GABRB2: variants seen among roughly 807,000 people sequenced by gnomAD.
GABRB2 encodes the protein gamma-aminobutyric acid type A receptor subunit beta2.
Under a neutral mutation model 54.7 loss-of-function variants are expected in GABRB2, and 16 were observed. The observed-to-expected ratio is 0.29, with a 90% confidence interval of 0.20 to 0.44. The LOEUF (loss-of-function observed/expected upper bound fraction) is 0.44, where lower values mean the gene tolerates loss of function less well. GABRB2 is among the 20% of genes least tolerant of loss of function. The probability of loss-of-function intolerance (pLI) is 1.00; values close to 1 mark genes in which losing one functional copy is unlikely to be tolerated. For missense variants in GABRB2, 355 were observed against 644.0 expected, an observed-to-expected ratio of 0.55 and a Z score of 4.86; for synonymous variants, 244 against 233.8, an observed-to-expected ratio of 1.04 and a Z score of -0.40.
intron 9 of GABRB2, among the ~76,000 whole-genome samples, chr5:161,315,857 C>T (rs541079731): frequency 6.6e-6 from 1 of 152,190 alleles, no homozygotes; most frequent in Admixed American, 6.5e-5. Flanking sequence ...ATTTTTAGGA[C>T]AGAAATCACA....
intron 4 of GABRB2, among the ~76,000 whole-genome samples, chr5:161,453,213 T>C (rs1757843949): frequency 1.3e-5 from 2 of 152,206 alleles, no homozygotes; most frequent in Admixed American, 1.3e-4. Context: ...TTCTTCCCCA[T>C]ATCTAGCCAT....
chr5:161,420,718 C>T (rs1756823714), intron 4 of GABRB2, among the ~76,000 whole-genome samples: 1 of 152,180 alleles, frequency 6.6e-6, no homozygotes, highest in Admixed American at 6.5e-5. Context: ...GAGTGCTGCT[C>T]TTCTTTTTGT....
chr5:161,455,146 C>A (rs1201789782), intron 4 of GABRB2, among the ~76,000 whole-genome samples: 3 of 152,174 alleles, frequency 2.0e-5, no homozygotes, highest in Non-Finnish European at 4.4e-5. Flanking sequence ...TTCTTGCTAA[C>A]CAAGCACAAA....
At chr5:161,443,138 C>T (rs1757515310) in intron 4 of GABRB2, among the ~76,000 whole-genome samples, 1 of 152,080 alleles carries the variant, frequency 6.6e-6, no homozygotes, top group Admixed American at 6.6e-5. Context: ...TCTCCCCCAC[C>T]AAATCTTTGT....
rs893312046 is a variant in GABRB2, at chr5:161,326,931, A to C, written c.1078-450T>G. The C allele has an allele frequency of 3.2e-6, 3 of 934,914 alleles. No individual in the cohort carries two copies. The African/African-American group carries it at 5.3e-5, about 17-fold the overall frequency. 57.9% of individuals were successfully genotyped at this position (934,914 alleles called of 1,614,324 possible). On this transcript the variant is annotated intron_variant, in intron 8 of 9. Transcript: ENST00000393959. ...ATGCGTGTTCTTAGTATTTGGCAGA[A>C]AAATAAACAAGGAAACAATATAAAG...
Position 161,336,689 on chromosome 5 carries a change from G to T in GABRB2, c.622C>A (p.Pro208Thr). 6.2e-7 allele frequency: 1 copy of T among 1,613,222 alleles called. No homozygotes were observed. Among genetic ancestry groups the T allele is most frequent in the Non-Finnish European group, 8.5e-7 (1 of 1,179,634 alleles). The change falls in exon 6 of 10, where the codon CCA (proline) becomes ACA (threonine). Residue 208 changes from proline to threonine, a missense_variant. By Grantham distance (38) the Pro-to-Thr change is conservative. Around this residue, in one of 6 missense-constraint regions of GABRB2, gnomAD observed 30 missense variants for 33.7 expected, o/e 0.89. Coordinates refer to ENST00000393959, the MANE Select transcript of GABRB2 (RefSeq NM_001371727.1). ...AVTGVTKIEL[P>T]QFSIVDYKLI... ...TTGTAATCTACAATAGAGAACTGTGGAAGTTCAATTTTCGTTACTCCTGTT... is the reference window on the plus strand; with the variant it reads ...TTGTAATCTACAATAGAGAACTGTGTAAGTTCAATTTTCGTTACTCCTGTT...
intron 3 of GABRB2, among the ~76,000 whole-genome samples, chr5:161,504,644 T>C (rs1268934622): frequency 6.6e-6 from 1 of 151,284 alleles, no homozygotes; most frequent in Non-Finnish European, 1.5e-5. Context: ...TAACGAATTT[T>C]AAAAAGAAAT....
intron 9 of GABRB2, among the ~76,000 whole-genome samples, chr5:161,323,442 T>C (rs541986571): frequency 6.6e-6 from 1 of 152,074 alleles, no homozygotes; most frequent in African/African-American, 2.4e-5. Flanking sequence ...TTTGTTTAGA[T>C]GCTTCATCTT....
chr5:161,314,368 T>C (rs73316954), intron 9 of GABRB2, among the ~76,000 whole-genome samples: 7,550 of 152,278 alleles, frequency 0.05, 515 homozygotes, highest in African/African-American at 0.15. Flanking sequence ...AGCAGAAGTG[T>C]TGAGAGGCAA....
At chr5:161,391,762 A>T (rs1466321108) in intron 5 of GABRB2, among the ~76,000 whole-genome samples, 7 of 152,208 alleles carry the variant, frequency 4.6e-5, no homozygotes, top group Non-Finnish European at 7.3e-5. Context: ...AGTTGGTTGC[A>T]GATACCAACA....
chr5:161,382,743 T>C (rs559945106), intron 5 of GABRB2, among the ~76,000 whole-genome samples: 10 of 152,178 alleles, frequency 6.6e-5, no homozygotes, highest in Non-Finnish European at 1.3e-4. Context: ...ATTATTGGAA[T>C]GGCAGCATAT....
intron 4 of GABRB2, among the ~76,000 whole-genome samples, chr5:161,428,331 C>T (rs1301609766): frequency 6.9e-6 from 1 of 144,218 alleles, no homozygotes; most frequent in African/African-American, 2.6e-5. Flanking sequence ...GTGACAAGAG[C>T]AGCTGAAATC....
chr5:161,491,930 A>G (rs1477723345), intron 3 of GABRB2, among the ~76,000 whole-genome samples: 4 of 151,684 alleles, frequency 2.6e-5, no homozygotes, highest in Admixed American at 2.0e-4. Flanking sequence ...GATAACCTTA[A>G]TAGCATCATG....
At chr5:161,477,145 A>G (rs996413885) in intron 3 of GABRB2, among the ~76,000 whole-genome samples, 11 of 151,912 alleles carry the variant, frequency 7.2e-5, no homozygotes, top group African/African-American at 2.7e-4. Context: ...TCTCCAAAAG[A>G]TAATATATAA....
intron 5 of GABRB2, among the ~76,000 whole-genome samples, chr5:161,391,780 A>G (rs17059403): frequency 0.061 from 9,353 of 152,156 alleles, 722 homozygotes; most frequent in East Asian, 0.17. Context: ...ACAAGATGTA[A>G]TGGAAAATTT....
chr5:161,467,162 T>C (rs1312401527), intron 3 of GABRB2, among the ~76,000 whole-genome samples: 1 of 152,108 alleles, frequency 6.6e-6, no homozygotes, highest in African/African-American at 2.4e-5. Context: ...TCTTGAGCTT[T>C]GGTGATTAAA....
intron 5 of GABRB2, among the ~76,000 whole-genome samples, chr5:161,368,030 C>T (rs536031534): frequency 1.3e-5 from 2 of 151,864 alleles, no homozygotes; most frequent in East Asian, 1.9e-4. Flanking sequence ...GTCCAATATG[C>T]ACAGGTTGGT....
chr5:161,449,260 A>G (rs1757723419), intron 4 of GABRB2, among the ~76,000 whole-genome samples: 1 of 152,184 alleles, frequency 6.6e-6, no homozygotes. Flanking sequence ...TTCCTCAGCT[A>G]TAAAATGGAC....
At chr5:161,547,554 C>T (rs1761026105), upstream of GABRB2, among the ~76,000 whole-genome samples, 1 of 150,662 alleles carries the variant, frequency 6.6e-6, no homozygotes, top group African/African-American at 2.4e-5. Context: ...CCCGCTAGTC[C>T]GGGTTATTTA....
Sources: allele counts gnomAD v4.1 joint callset (sites outside exome capture counted in the v4.1 genomes callset), GRCh38; gene constraint gnomAD v4.1.1; regional missense constraint gnomAD v4.1.1; transcripts MANE v1.5; gene names NCBI Gene and HGNC (gene_info 2026-07-23, HGNC 2026-07-21).